NEBL: variants seen among roughly 807,000 people sequenced by gnomAD.
NEBL encodes the protein LIM and SH3 protein 2.
NEBL carries 122 observed loss-of-function variants against 140.2 expected under a neutral mutation model. That is an observed-to-expected ratio of 0.87 (90% confidence interval 0.75 to 1.01). NEBL has a LOEUF of 1.01. Among genes scored for constraint, NEBL ranks in the 50% least tolerant of loss-of-function variants. The pLI, the probability that NEBL is intolerant of heterozygous loss-of-function variation, is 0.00. For missense variants in NEBL, 1,365 were observed against 1,231.3 expected (o/e 1.11, Z -1.62); for synonymous variants, 436 against 398.9 (o/e 1.09, Z -1.11).
intron 2 of NEBL, among the ~76,000 whole-genome samples, chr10:21,159,122 T>A (rs1379634083): frequency 2.0e-5 from 3 of 152,228 alleles, no homozygotes; most frequent in Non-Finnish European, 4.4e-5. Flanking sequence ...ACCCTTTTTT[T>A]AAAGATGTAT....
At chr10:20,857,148 C>G (rs1242643292) in intron 9 of NEBL, among the ~76,000 whole-genome samples, 1 of 152,134 alleles carries the variant, frequency 6.6e-6, no homozygotes, top group Non-Finnish European at 1.5e-5. Context: ...TTTAAAAACT[C>G]TGTATGAATT....
chr10:21,180,399 A>T (rs1219455672), intron 3 of NEBL, among the ~76,000 whole-genome samples: 1 of 152,184 alleles, frequency 6.6e-6, no homozygotes, highest in Admixed American at 6.5e-5. Flanking sequence ...GTTGTCCTCC[A>T]TGAAAGAGAC....
intron 2 of NEBL, among the ~76,000 whole-genome samples, chr10:21,162,165 G>C (rs540371132): frequency 6.6e-6 from 1 of 152,330 alleles, no homozygotes; most frequent in Admixed American, 6.5e-5. Flanking sequence ...AATGTGCCAG[G>C]AAGAAAACAC....
chr10:20,809,949 G>GTAA (rs368677619), intron 24 of NEBL, 51 bp from the exon 25 acceptor site: 76 of 586,230 alleles, frequency 1.3e-4, no homozygotes, highest in Non-Finnish European at 1.8e-4. Flanking sequence ...ATTTAAAAAA[G>GTAA]GAAAAAAAAA....
chr10:20,785,647 G>T lies in NEBL; in HGVS notation c.*100C>A. ...ATTGTCAAAGGAAGGATACATCATT[G>T]TAAAATAATGGCCAAGTTGTCTTAA... On this transcript the variant is annotated 3_prime_UTR_variant, in exon 28 of 28. Transcript: ENST00000377122. The T allele has an allele frequency of 1.5e-6, 2 of 1,362,922 alleles. No individual in the cohort carries two copies. Among genetic ancestry groups the T allele is most frequent in the Non-Finnish European group, 2.0e-6 (2 of 980,056 alleles). The allele number at this position is 1,362,922 out of a possible 1,614,324, so 84.4% of individuals were successfully genotyped here. A position where few individuals can be genotyped will look rare whatever the true frequency, so the allele number is the denominator to read the frequency against.
intron 2 of NEBL, chr10:21,172,337 G>T: frequency 6.8e-7 from 1 of 1,473,796 alleles, no homozygotes; most frequent in Non-Finnish European, 9.5e-7. Flanking sequence ...TGGCTCTCAA[G>T]CTCTGAGGCT....
upstream of NEBL, among the ~76,000 whole-genome samples, chr10:21,179,038 C>G (rs908340296): frequency 2.0e-5 from 3 of 152,114 alleles, no homozygotes; most frequent in Non-Finnish European, 4.4e-5. Context: ...AATGTTGAGA[C>G]GAAGAGATTA....
chr10:20,945,138 T>C (rs1017364963), intron 4 of NEBL, among the ~76,000 whole-genome samples: 1 of 152,196 alleles, frequency 6.6e-6, no homozygotes, highest in Non-Finnish European at 1.5e-5. Flanking sequence ...GTACGTGCAG[T>C]TTCCCTACAT....
intron 2 of NEBL, among the ~76,000 whole-genome samples, chr10:21,250,381 A>G (rs1268848804): frequency 6.6e-6 from 1 of 152,188 alleles, no homozygotes; most frequent in African/African-American, 2.4e-5. Context: ...TCAGACTCCA[A>G]GGTCTTCAGC....
At chr10:21,264,396 C>A (rs1045992269) in intron 1 of NEBL, among the ~76,000 whole-genome samples, 27 of 152,140 alleles carry the variant, frequency 1.8e-4, no homozygotes, top group African/African-American at 5.1e-4. Flanking sequence ...GCCTTTGCCT[C>A]AGGAATGAAC....
Position 20,869,740 on chromosome 10 carries a change from AT to A in NEBL, c.581del (p.Asn194MetfsTer10). On this transcript the variant is annotated frameshift_variant and splice_region_variant, in exon 6 of 28. Coordinates refer to ENST00000377122, the MANE Select transcript of NEBL (RefSeq NM_006393.3). LOFTEE classifies it high-confidence loss of function. ...MATQISKIIS[N>X]AEYKKGQGIM... ...TTCAAGGTTTAGAAAGAGAAGTTAC[AT>A]TGCTTATGATCTTAGAGATCTGGGT... 6.3e-7 allele frequency: 1 copy of A among 1,599,174 alleles called. No homozygotes were observed. Among genetic ancestry groups the A allele is most frequent in the Non-Finnish European group, 8.6e-7 (1 of 1,166,516 alleles).
chr10:21,001,944 G>A (rs978368294), intron 3 of NEBL, among the ~76,000 whole-genome samples: 2 of 152,114 alleles, frequency 1.3e-5, no homozygotes, highest in South Asian at 4.1e-4. Flanking sequence ...TGTGGATTGA[G>A]CTAAAAACAC....
chr10:21,036,089 G>A (rs1461165401), intron 2 of NEBL, among the ~76,000 whole-genome samples: 1 of 152,138 alleles, frequency 6.6e-6, no homozygotes, highest in Admixed American at 6.5e-5. Context: ...CTTGAACCCA[G>A]GGGGCAGAAG....
intron 2 of NEBL, among the ~76,000 whole-genome samples, chr10:21,095,567 T>A (rs1837147716): frequency 6.6e-6 from 1 of 152,216 alleles, no homozygotes; most frequent in Non-Finnish European, 1.5e-5. Flanking sequence ...CTAATCGGAT[T>A]ATTTAGGATG....
upstream of NEBL, among the ~76,000 whole-genome samples, chr10:21,179,352 T>C (rs984181296): frequency 2.0e-5 from 3 of 152,188 alleles, no homozygotes; most frequent in Non-Finnish European, 4.4e-5. Flanking sequence ...TGAGATATTC[T>C]TGCAGGTCCT....
intron 2 of NEBL, among the ~76,000 whole-genome samples, chr10:21,044,262 T>C (rs1259380172): frequency 2.0e-5 from 3 of 151,832 alleles, no homozygotes; most frequent in Non-Finnish European, 4.4e-5. Flanking sequence ...CTGGGCGTGG[T>C]GGTGGGCGCC....
chr10:20,870,656 T>C (rs1844830525), intron 5 of NEBL, among the ~76,000 whole-genome samples: 1 of 152,164 alleles, frequency 6.6e-6, no homozygotes, highest in South Asian at 2.1e-4. Flanking sequence ...CCTTCAAATG[T>C]TCAAAGGCCC....
chr10:21,284,158 C>T (rs892014147), intron 1 of NEBL, among the ~76,000 whole-genome samples: 3 of 131,332 alleles, frequency 2.3e-5, no homozygotes, highest in Non-Finnish European at 3.1e-5. Flanking sequence ...TACAGTGAGC[C>T]GAGATCGCAC....
chr10:20,843,408 T>C (rs761099078), intron 12 of NEBL, among the ~76,000 whole-genome samples: 12 of 152,050 alleles, frequency 7.9e-5, no homozygotes, highest in Non-Finnish European at 1.2e-4. Context: ...GATGCATGTA[T>C]TCTGAATTAA....
Sources: gnomAD v4.1 joint callset for allele counts (sites outside exome capture counted in the v4.1 genomes callset) on GRCh38, gnomAD v4.1.1 for gene constraint, MANE v1.5 for transcripts, NCBI Gene and HGNC (gene_info 2026-07-23, HGNC 2026-07-21) for gene names.